The following AKT3 variants were observed in gnomAD, a reference collection of about 807,000 sequenced individuals.
The protein encoded by AKT3 is RAC-gamma serine/threonine-protein kinase.
A neutral mutation model predicts 65.3 loss-of-function variants in AKT3; 15 were observed. The observed-to-expected ratio is 0.23, with a 90% CI of 0.15 to 0.35. The LOEUF is 0.35. Ranked by LOEUF, AKT3 falls within the 10% of genes least tolerant of loss-of-function variation. The pLI is 1.00. For missense variants in AKT3, 243 were observed against 576.5 expected, an observed-to-expected ratio of 0.42 and a Z score of 5.92; for synonymous variants, 206 against 183.8, an observed-to-expected ratio of 1.12 and a Z score of -0.98.
chr1:243,737,309 C>T (rs1431701162), intron 2 of AKT3, among the ~76,000 whole-genome samples: 1 of 152,146 alleles, frequency 6.6e-6, no homozygotes, highest in Non-Finnish European at 1.5e-5. Context: ...GAGATTAATT[C>T]AGGTAAAACA....
intron 8 of AKT3, among the ~76,000 whole-genome samples, chr1:243,579,723 T>C (rs1369244029): frequency 6.6e-6 from 1 of 152,126 alleles, no homozygotes; most frequent in Non-Finnish European, 1.5e-5. Context: ...CTACAATTCA[T>C]ATGGAATAGG....
chr1:243,809,411 C>G lies in AKT3; in HGVS notation c.46+33714G>C, dbSNP rs1692975072. ...GTCTCTGATAAAACAGACTTTAAACCAATAAAGATCAAAAGAGACAAACAA... is the reference window on the plus strand; with the variant it reads ...GTCTCTGATAAAACAGACTTTAAACGAATAAAGATCAAAAGAGACAAACAA... On this transcript the variant is annotated intron_variant, in intron 2 of 13. Coordinates refer to ENST00000673466, the MANE Select transcript of AKT3 (RefSeq NM_005465.7). Among the ~76,000 whole-genome samples, 5 of 152,170 alleles carry G rather than the reference C, an allele frequency of 3.3e-5. No homozygotes were observed. In the South Asian group the frequency reaches 1.0e-3, roughly 32 times the overall value.
At chr1:243,737,473 G>T (rs1687910116) in intron 2 of AKT3, among the ~76,000 whole-genome samples, 1 of 152,038 alleles carries the variant, frequency 6.6e-6, no homozygotes, top group Non-Finnish European at 1.5e-5. Flanking sequence ...ATTTATCAAA[G>T]TGTGGGTTCT....
At position 243,503,018 on chromosome 1, in the gene AKT3, T is replaced by C. The variant is rs1482843517; in HGVS notation, c.*2231A>G. ...CTTCCTCTCACCTGTTTCTTTCTTATATAATGGATGCAAGACAACTTAAAG... is the reference window on the plus strand; with the variant it reads ...CTTCCTCTCACCTGTTTCTTTCTTACATAATGGATGCAAGACAACTTAAAG... On this transcript the variant is annotated 3_prime_UTR_variant, in exon 14 of 14. Transcript: ENST00000673466. 3 of 233,352 alleles carry C rather than the reference T, an allele frequency of 1.3e-5. No individual in the cohort carries two copies. The highest frequency in any genetic ancestry group is 2.5e-5 in the Non-Finnish European group (3 of 118,058). The allele number at this position is 233,352 out of a possible 1,614,324, so 14.5% of individuals were successfully genotyped here. A position where few individuals can be genotyped will look rare whatever the true frequency, so the allele number is the denominator to read the frequency against.
At chr1:243,712,889 C>A (rs1481825399) in intron 2 of AKT3, among the ~76,000 whole-genome samples, 1 of 152,104 alleles carries the variant, frequency 6.6e-6, no homozygotes, top group Non-Finnish European at 1.5e-5. Flanking sequence ...AAATATACAA[C>A]CAACTCATTA....
chr1:243,824,728 G>A (rs1318837653), intron 2 of AKT3, among the ~76,000 whole-genome samples: 2 of 152,050 alleles, frequency 1.3e-5, no homozygotes. Context: ...CAGTCAGAAT[G>A]GCAATTATTA....
intron 2 of AKT3, among the ~76,000 whole-genome samples, chr1:243,812,010 C>A (rs1488341683): frequency 2.0e-5 from 3 of 152,090 alleles, no homozygotes; most frequent in Non-Finnish European, 2.9e-5. Context: ...ACATCTTATA[C>A]AAAAATTAAT....
Position 243,700,315 on chromosome 1 carries a change from T to C in AKT3, c.47-4599A>G, listed in dbSNP as rs148094213. Among the ~76,000 whole-genome samples the C allele has an allele frequency of 5.8e-3, 881 of 152,288 alleles. 7 individuals are homozygous for C. The highest frequency in any genetic ancestry group is 0.02 in the African/African-American group (822 of 41,574). ...GGAAGAAACTGTTTGCTAGAATTCA[T>C]GGTTTTACTTAGTCCTAATAACTTC... On this transcript the variant is annotated intron_variant, in intron 2 of 13. Coordinates refer to ENST00000673466, the MANE Select transcript of AKT3 (RefSeq NM_005465.7).
chr1:243,840,279 G>A lies in AKT3; in HGVS notation c.46+2846C>T, dbSNP rs544842121. On this transcript the variant is annotated intron_variant, in intron 2 of 13. Coordinates refer to ENST00000673466, the MANE Select transcript of AKT3 (RefSeq NM_005465.7). Reference sequence around the variant, plus strand: ...GGCAGCTCTGGAGTACAAAGAGAGCGTAAGAAATCCATTTGTTCTCCAATG... The same window carrying A: ...GGCAGCTCTGGAGTACAAAGAGAGCATAAGAAATCCATTTGTTCTCCAATG... 2.6e-5 allele frequency among the ~76,000 whole-genome samples: 4 copies of A among 152,198 alleles called. No homozygotes were observed. The South Asian group carries it at 6.2e-4, about 24-fold the overall frequency.
chr1:243,766,279 G>T (rs1290979501), intron 2 of AKT3, among the ~76,000 whole-genome samples: 1 of 152,050 alleles, frequency 6.6e-6, no homozygotes, highest in Non-Finnish European at 1.5e-5. Flanking sequence ...ATTTACTAAG[G>T]CCCTACTGTG....
chr1:243,705,978 A>G (rs1295977932), intron 2 of AKT3, among the ~76,000 whole-genome samples: 2 of 152,214 alleles, frequency 1.3e-5, no homozygotes, highest in African/African-American at 4.8e-5. Context: ...ATAAATATAG[A>G]CCAATTTAAA....
rs200965695 is a variant in AKT3 at position 243,650,208 on chromosome 1, CT to C, written c.285-4172del. On this transcript the variant is annotated intron_variant, in intron 4 of 13. Transcript: ENST00000673466. The stretch of plus-strand genomic sequence containing the variant: ...ATACATTTGTTGGCTGCATAAATGT[CT>C]TTTGAGAAGTGTCTGTTCATATCCT... Among the ~76,000 whole-genome samples the C allele has an allele frequency of 2.7e-3, 413 of 152,280 alleles. 7 individuals carry two copies. Among genetic ancestry groups the C allele is most frequent in the Admixed American group, 0.021 (317 of 15,288 alleles).
chr1:243,744,049 AC>A (rs1488190068), intron 2 of AKT3, among the ~76,000 whole-genome samples: 3 of 152,256 alleles, frequency 2.0e-5, no homozygotes, highest in African/African-American at 7.2e-5. Context: ...CCAAAGACAT[AC>A]AGCCAAAATG....
At chr1:243,677,051 CAA>C (rs1407896659) in intron 3 of AKT3, among the ~76,000 whole-genome samples, 1 of 152,196 alleles carries the variant, frequency 6.6e-6, no homozygotes, top group Non-Finnish European at 1.5e-5. Context: ...TTAATTAAAA[CAA>C]AAAGTTTCAA....
intron 2 of AKT3, among the ~76,000 whole-genome samples, chr1:243,783,343 A>G (rs1197625307): frequency 2.6e-5 from 4 of 152,270 alleles, no homozygotes; most frequent in Admixed American, 2.6e-4. Flanking sequence ...CATAAAAGCC[A>G]AAACCATGGG....
intron 2 of AKT3, among the ~76,000 whole-genome samples, chr1:243,830,664 TAGA>T (rs1475441662): frequency 2.0e-5 from 3 of 152,168 alleles, no homozygotes; most frequent in Non-Finnish European, 4.4e-5. Flanking sequence ...AGAAACACAG[TAGA>T]AAAGATTCTT....
intron 4 of AKT3, among the ~76,000 whole-genome samples, chr1:243,648,026 G>A (rs1369399534): frequency 2.0e-5 from 3 of 152,162 alleles, no homozygotes; most frequent in South Asian, 2.1e-4. Flanking sequence ...GGGAGACTGA[G>A]GTGGGCGGAT....
chr1:243,690,398 C>A lies in AKT3; in HGVS notation c.172+5193G>T, dbSNP rs147240465. Reference sequence around the variant, plus strand: ...TGCAGCCCTGAGACAATGTATGTATCCTATATTATTTTTTAAAGTGCATGT... The same window carrying A: ...TGCAGCCCTGAGACAATGTATGTATACTATATTATTTTTTAAAGTGCATGT... On this transcript the variant is annotated intron_variant, in intron 3 of 13. Transcript: ENST00000673466. 1.5e-3 allele frequency among the ~76,000 whole-genome samples: 228 copies of A among 152,192 alleles called. 1 individual carries two copies. The highest frequency in any genetic ancestry group is 5.3e-3 in the African/African-American group (219 of 41,532).
intron 8 of AKT3, among the ~76,000 whole-genome samples, chr1:243,592,526 G>C (rs952869692): frequency 3.3e-5 from 5 of 152,022 alleles, no homozygotes; most frequent in African/African-American, 1.2e-4. Flanking sequence ...GACAGAAACT[G>C]TATAAGCCAG....
Sources: allele counts gnomAD v4.1 joint callset (sites outside exome capture counted in the v4.1 genomes callset), GRCh38; gene constraint gnomAD v4.1.1; transcripts MANE v1.5; gene names NCBI Gene and HGNC (gene_info 2026-07-23, HGNC 2026-07-21).